The following UBE2W variants were observed in gnomAD, a reference collection of about 807,000 sequenced individuals.
The protein encoded by UBE2W is ubiquitin conjugating enzyme E2 W, also known as ubiquitin-conjugating enzyme E2 W.
Under a neutral mutation model 27.2 loss-of-function variants are expected in UBE2W, and 18 were observed. The observed-to-expected ratio is 0.66, with a 90% CI of 0.46 to 0.98. UBE2W has a LOEUF of 0.98. UBE2W is among the 50% of genes least tolerant of loss of function. The pLI, the probability that UBE2W is intolerant of heterozygous loss-of-function variation, is 0.00. For synonymous variants in UBE2W, 53 were observed against 57.2 expected (o/e 0.93, Z 0.33); for missense variants, 90 against 180.2 (o/e 0.50, Z 2.87).
chr8:73,815,675 T>C (rs1349481717), intron 3 of UBE2W, among the ~76,000 whole-genome samples: 1 of 152,180 alleles, frequency 6.6e-6, no homozygotes, highest in African/African-American at 2.4e-5. Flanking sequence ...GAGGCACAAC[T>C]ACTGTTCAGA....
At chr8:73,781,201 C>T (rs553956498) in intron 4 of UBE2W, among the ~76,000 whole-genome samples, 25 of 143,496 alleles carry the variant, frequency 1.7e-4, no homozygotes, top group African/African-American at 5.9e-4. Context: ...ACCTGGGAGG[C>T]GGAGGTTGCA....
At chr8:73,875,676 TC>T (rs750553696) in intron 1 of UBE2W, among the ~76,000 whole-genome samples, 3 of 152,206 alleles carry the variant, frequency 2.0e-5, no homozygotes, top group Non-Finnish European at 4.4e-5. Flanking sequence ...GCTTATTTTT[TC>T]CTAATCGAAA....
At chr8:73,855,657 C>T (rs1012934944) in intron 1 of UBE2W, among the ~76,000 whole-genome samples, 20 of 151,926 alleles carry the variant, frequency 1.3e-4, no homozygotes, top group African/African-American at 4.1e-4. Context: ...CTGCCCACCT[C>T]GGCCTCCCAA....
At chr8:73,849,359 A>C (rs1810967549) in intron 1 of UBE2W, among the ~76,000 whole-genome samples, 2 of 151,956 alleles carry the variant, frequency 1.3e-5, no homozygotes, top group Admixed American at 6.6e-5. Context: ...TAAAAATACA[A>C]AAATCAGCTG....
Position 73,788,515 on chromosome 8 carries a change from T to TACATAA in UBE2W, c.*5581_*5586dup, listed in dbSNP as rs142075214. ...TTGAACCTGACCACCAATTTGCCTT[T>TACATAA]ACATAAACAATCTGTGGTTAACTAT... On this transcript the variant is annotated 3_prime_UTR_variant, in exon 6 of 6. Transcript: ENST00000602593. 1.6e-4 allele frequency: 153 copies of TACATAA among 985,460 alleles called. No individual in the cohort carries two copies. The East Asian group carries it at 2.9e-3, about 19-fold the overall frequency. 61.0% of individuals were successfully genotyped at this position (985,460 alleles called of 1,614,324 possible).
chr8:73,825,358 G>T, intron 2 of UBE2W, 109 bp from the exon 3 acceptor site: 1 of 693,948 alleles, frequency 1.4e-6, no homozygotes, highest in Non-Finnish European at 2.4e-6. Context: ...GACAAGAGTT[G>T]GTTATGTGTA....
chr8:73,849,923 T>A (rs187708319), intron 1 of UBE2W, among the ~76,000 whole-genome samples: 1 of 149,800 alleles, frequency 6.7e-6, no homozygotes, highest in Admixed American at 6.6e-5. Flanking sequence ...TAATAAAAGA[T>A]AGAATAACTA....
intron 1 of UBE2W, among the ~76,000 whole-genome samples, chr8:73,877,872 T>C (rs1812299496): frequency 6.6e-6 from 1 of 152,090 alleles, no homozygotes; most frequent in Non-Finnish European, 1.5e-5. Context: ...CACAACTCCC[T>C]AGATTCGGGA....
At chr8:73,794,317 A>C (rs1379448982) in intron 5 of UBE2W, among the ~76,000 whole-genome samples, 6 of 152,358 alleles carry the variant, frequency 3.9e-5, no homozygotes, top group Middle Eastern at 3.4e-3. Context: ...TCAGAGAAAT[A>C]GTTCACATAA....
chr8:73,870,234 T>G, intron 1 of UBE2W: 1 of 1,574,462 alleles, frequency 6.4e-7, no homozygotes, highest in Non-Finnish European at 8.6e-7. Context: ...AATTCTCAAG[T>G]TTTGAAGAGG....
At chr8:73,812,993 G>A (rs986850834) in intron 3 of UBE2W, among the ~76,000 whole-genome samples, 13 of 134,318 alleles carry the variant, frequency 9.7e-5, no homozygotes, top group African/African-American at 3.1e-4. Context: ...CGACAAGAGC[G>A]AAACTCGGCC....
chr8:73,873,988 A>G (rs1202807470), intron 1 of UBE2W, among the ~76,000 whole-genome samples: 1 of 152,252 alleles, frequency 6.6e-6, no homozygotes, highest in African/African-American at 2.4e-5. Flanking sequence ...TAGAATGTCA[A>G]ATTAGAAAAT....
intron 1 of UBE2W, among the ~76,000 whole-genome samples, chr8:73,845,717 AT>A (rs910250753): frequency 6.6e-6 from 1 of 151,518 alleles, no homozygotes; most frequent in African/African-American, 2.4e-5. Flanking sequence ...TACTAAAAAA[AT>A]TTAAAAAAAA....
At chr8:73,812,254 A>C (rs930132274) in intron 3 of UBE2W, among the ~76,000 whole-genome samples, 2 of 151,606 alleles carry the variant, frequency 1.3e-5, no homozygotes, top group Non-Finnish European at 2.9e-5. Context: ...AAACAAAAGT[A>C]AAGTCTCAAA....
intron 1 of UBE2W, among the ~76,000 whole-genome samples, chr8:73,858,948 G>A (rs923185687): frequency 7.5e-5 from 11 of 147,342 alleles, no homozygotes; most frequent in African/African-American, 2.8e-4. Context: ...CTTCTAAACT[G>A]AGCAATTTCT....
Position 73,787,653 on chromosome 8 carries a change from G to C in UBE2W, c.*6449C>G, listed in dbSNP as rs1808011507. On this transcript the variant is annotated 3_prime_UTR_variant, in exon 6 of 6. Transcript: ENST00000602593. ...TTAATTCCTCCTGTCAGGAATAACAGATGCTGAGATAGCCCCTTCTTGTGG... is the reference window on the plus strand; with the variant it reads ...TTAATTCCTCCTGTCAGGAATAACACATGCTGAGATAGCCCCTTCTTGTGG... 1.0e-6 allele frequency: 1 copy of C among 985,416 alleles called. No individual in the cohort carries two copies. The highest frequency in any genetic ancestry group is 1.7e-5 in the African/African-American group (1 of 57,348). 61.0% of individuals were successfully genotyped at this position (985,416 alleles called of 1,614,324 possible).
In UBE2W at chr8:73,789,140, T is replaced by C; in HGVS notation, c.*4962A>G. The C allele has an allele frequency of 1.0e-6, 1 of 984,888 alleles. No individual in the cohort carries two copies. The highest frequency in any genetic ancestry group is 1.2e-6 in the Non-Finnish European group (1 of 829,794). 61.0% of individuals were successfully genotyped at this position (984,888 alleles called of 1,614,324 possible). On this transcript the variant is annotated 3_prime_UTR_variant, in exon 6 of 6. Transcript: ENST00000602593. ...TTCAAGTACATGTCTAGATTCTATGTGCCTCTAATGATAATGATGTACATA... is the reference window on the plus strand; with the variant it reads ...TTCAAGTACATGTCTAGATTCTATGCGCCTCTAATGATAATGATGTACATA...
intron 1 of UBE2W, among the ~76,000 whole-genome samples, chr8:73,850,740 A>T (rs55923764): frequency 4.3e-4 from 65 of 150,216 alleles, no homozygotes; most frequent in African/African-American, 1.6e-3. Context: ...AAAAAAAAAA[A>T]AAAAAAAAAA....
At chr8:73,848,580 C>G (rs6996756) in intron 1 of UBE2W, among the ~76,000 whole-genome samples, 12,333 of 152,138 alleles carry the variant, frequency 0.081, 1,602 homozygotes, top group African/African-American at 0.28. Context: ...AATTACTCAG[C>G]AGACAGGAGA....
Sources: allele counts gnomAD v4.1 joint callset (sites outside exome capture counted in the v4.1 genomes callset), GRCh38; gene constraint gnomAD v4.1.1; transcripts MANE v1.5; gene names NCBI Gene and HGNC (gene_info 2026-07-23, HGNC 2026-07-21).